Variants in BMPR2 observed in about 807,000 individuals in gnomAD.
BMPR2 encodes bone morphogenetic protein receptor type 2, also known as bone morphogenetic protein receptor type-2.
In BMPR2, 29 loss-of-function variants were observed where a neutral mutation model predicts 100.8. That is an observed-to-expected ratio of 0.29 (90% confidence interval 0.21 to 0.39). The LOEUF (loss-of-function observed/expected upper bound fraction) is 0.39. Ranked by LOEUF, BMPR2 falls within the 10% of genes least tolerant of loss-of-function variation. BMPR2 has a pLI of 1.00. For missense variants in BMPR2, 1,011 were observed against 1,274.5 expected (o/e 0.79, Z 3.15); for synonymous variants, 382 against 442.3 (o/e 0.86, Z 1.71).
intron 3 of BMPR2, among the ~76,000 whole-genome samples, chr2:202,504,435 C>T (rs1687477712): frequency 6.6e-6 from 1 of 151,910 alleles, no homozygotes; most frequent in Non-Finnish European, 1.5e-5. Context: ...CGAAGGTCTG[C>T]AGCTTCACTC....
At chr2:202,422,664 GT>G (rs1425549984) in intron 1 of BMPR2, among the ~76,000 whole-genome samples, 1 of 151,456 alleles carries the variant, frequency 6.6e-6, no homozygotes, top group Non-Finnish European at 1.5e-5. Flanking sequence ...TTTGTAAATT[GT>G]TTTTGTTTTG....
chr2:202,480,885 G>A (rs1692645382), intron 3 of BMPR2, among the ~76,000 whole-genome samples: 1 of 149,664 alleles, frequency 6.7e-6, no homozygotes, highest in Non-Finnish European at 1.5e-5. Context: ...AATCTGGGAG[G>A]TGGAGGTTGC....
At chr2:202,410,391 T>C (rs953112899) in intron 1 of BMPR2, among the ~76,000 whole-genome samples, 1 of 152,106 alleles carries the variant, frequency 6.6e-6, no homozygotes, top group African/African-American at 2.4e-5. Context: ...AAACATTTAA[T>C]GGTATCAGAA....
At chr2:202,407,929 G>A (rs981113784) in intron 1 of BMPR2, among the ~76,000 whole-genome samples, 1 of 151,082 alleles carries the variant, frequency 6.6e-6, no homozygotes, top group Non-Finnish European at 1.5e-5. Flanking sequence ...CGCCTCCCAG[G>A]TTCACTCCAT....
At chr2:202,546,710 T>C (rs1358739774) in intron 10 of BMPR2, among the ~76,000 whole-genome samples, 1 of 152,114 alleles carries the variant, frequency 6.6e-6, no homozygotes, top group Non-Finnish European at 1.5e-5. Context: ...TTCAAGCGAT[T>C]TTTCTGGCTC....
In BMPR2 at chr2:202,433,273, G is replaced by T. The variant is rs186524172; in HGVS notation, c.77-31536G>T. ...AGTAGATAGGTAGGTAGGTAGGTAG[G>T]TAGATAGATATATGTATAGATAGAT... On this transcript the variant is annotated intron_variant, in intron 1 of 12. Coordinates refer to ENST00000374580, the MANE Select transcript of BMPR2 (RefSeq NM_001204.7). Among the ~76,000 whole-genome samples the T allele has an allele frequency of 2.8e-4, 42 of 150,486 alleles. 1 individual carries two copies. Among genetic ancestry groups the T allele is most frequent in the African/African-American group, 9.8e-4 (39 of 39,876 alleles).
rs762980900 is a variant in BMPR2 at position 202,555,667 on chromosome 2, C to G, written c.2002C>G (p.Leu668Val). The G allele has an allele frequency of 6.2e-7, 1 of 1,613,954 alleles. No individual in the cohort carries two copies. The highest frequency in any genetic ancestry group is 1.3e-5 in the African/African-American group (1 of 74,918). ...AGAAGAAGACTTGGAAACCAACAAG[C>G]TAGACCCAAAAGAAGTTGATAAGAA... ...LTEEDLETNKLDPKEVDKNLK... is the reference protein window; with the variant it reads ...LTEEDLETNKVDPKEVDKNLK... The change falls in exon 12 of 13, where the codon CTA becomes GTA. Residue 668 changes from leucine to valine, a missense_variant. By Grantham distance (32) the Leu-to-Val change is conservative. This residue lies in a region of BMPR2 where 508 missense variants were observed against 552.0 expected (regional missense o/e 0.92). Coordinates refer to ENST00000374580, the MANE Select transcript of BMPR2 (RefSeq NM_001204.7).
rs751277248 is a variant in BMPR2, at chr2:202,495,013, A to G, written c.419-18706A>G. 1.3e-4 allele frequency among the ~76,000 whole-genome samples: 20 copies of G among 152,226 alleles called. No individual in the cohort carries two copies. Among genetic ancestry groups the G allele is most frequent in the Non-Finnish European group, 2.8e-4 (19 of 68,046 alleles). On this transcript the variant is annotated intron_variant, in intron 3 of 12. Transcript: ENST00000374580. This position sits in a 1 kb window ranked among gnomAD's most constrained non-coding sequence, Gnocchi z 4.5. ...CAGACCTCTAGGGGACCATACAGACAGGTAGGCTGTGGGGCTCCGACCTCA... is the reference window on the plus strand; with the variant it reads ...CAGACCTCTAGGGGACCATACAGACGGGTAGGCTGTGGGGCTCCGACCTCA...
chr2:202,458,937 A>G (rs889763506), intron 1 of BMPR2, among the ~76,000 whole-genome samples: 5 of 152,218 alleles, frequency 3.3e-5, no homozygotes, highest in African/African-American at 1.2e-4. Context: ...TGCATGCAAT[A>G]TCTTGAAGAC....
At chr2:202,417,875 C>T (rs562907838) in intron 1 of BMPR2, among the ~76,000 whole-genome samples, 3 of 151,826 alleles carry the variant, frequency 2.0e-5, no homozygotes, top group Non-Finnish European at 2.9e-5. Context: ...GCCGCCACCA[C>T]GCCCGGCTAA....
intron 1 of BMPR2, among the ~76,000 whole-genome samples, chr2:202,452,864 A>G (rs1301020641): frequency 1.3e-5 from 2 of 152,204 alleles, no homozygotes; most frequent in African/African-American, 4.8e-5. Context: ...ATGTTATGGA[A>G]GTATGTGATA....
intron 3 of BMPR2, among the ~76,000 whole-genome samples, chr2:202,492,221 A>T (rs1013827670): frequency 6.6e-6 from 1 of 151,842 alleles, no homozygotes; most frequent in African/African-American, 2.4e-5. Flanking sequence ...CAGGTAGGAG[A>T]CTTTTGGGAC....
chr2:202,407,398 C>A (rs1690922793), intron 1 of BMPR2, among the ~76,000 whole-genome samples: 2 of 152,154 alleles, frequency 1.3e-5, no homozygotes, highest in South Asian at 4.1e-4. Flanking sequence ...TGTTATTCTT[C>A]ATGCGTATAT....
intron 3 of BMPR2, chr2:202,469,427 T>A (rs964586451): frequency 4.5e-6 from 1 of 223,364 alleles, no homozygotes; most frequent in Non-Finnish European, 9.5e-6. Context: ...AGGAGAAAAA[T>A]TCTTCACAGT....
chr2:202,556,541 G>A lies in BMPR2; in HGVS notation c.2866+10G>A, dbSNP rs749027776. 6.2e-7 allele frequency: 1 copy of A among 1,610,298 alleles called. No homozygotes were observed. Among genetic ancestry groups the A allele is most frequent in the Non-Finnish European group, 8.5e-7 (1 of 1,179,896 alleles). ...GGCAGCAGTATACAGAGTAAGTGGA[G>A]GGATCATATAATCTCTCCTGTGTGT... On this transcript the variant is annotated intron_variant, in intron 12 of 12. Transcript: ENST00000374580.
intron 8 of BMPR2, among the ~76,000 whole-genome samples, chr2:202,531,523 T>C (rs1243746695): frequency 6.6e-6 from 1 of 152,244 alleles, no homozygotes; most frequent in Non-Finnish European, 1.5e-5. Context: ...GTCCACCTTC[T>C]GATAATCACC....
intron 5 of BMPR2, 146 bp downstream of exon 5, chr2:202,515,125 A>C (rs1687690054): frequency 1.3e-6 from 1 of 776,188 alleles, no homozygotes; most frequent in East Asian, 2.7e-5. Context: ...TATTCTAGGC[A>C]CTAGGAACAT....
chr2:202,392,569 A>G (rs1456738959), intron 1 of BMPR2, among the ~76,000 whole-genome samples: 1 of 152,210 alleles, frequency 6.6e-6, no homozygotes, highest in Non-Finnish European at 1.5e-5. Context: ...GTAGGTGACC[A>G]ATATCAATTG....
chr2:202,460,390 GTT>G (rs34187565), intron 1 of BMPR2, among the ~76,000 whole-genome samples: 23,293 of 152,064 alleles, frequency 0.15, 1,943 homozygotes, highest in African/African-American at 0.21. Flanking sequence ...AAAGCCCAGT[GTT>G]TAAATTTTTT....
Sources: gnomAD v4.1 joint callset for allele counts (sites outside exome capture counted in the v4.1 genomes callset) on GRCh38, gnomAD v4.1.1 for gene constraint, gnomAD v4.1.1 regional missense constraint, Gnocchi (gnomAD v3.1) non-coding constraint, MANE v1.5 for transcripts, NCBI Gene and HGNC (gene_info 2026-07-23, HGNC 2026-07-21) for gene names.